FBXO34: variants seen among roughly 807,000 people sequenced by gnomAD.
FBXO34 encodes the protein F-box only protein 34.
In FBXO34, 12 loss-of-function variants were observed where a neutral mutation model predicts 24.5. The observed-to-expected ratio is 0.49, with a 90% CI of 0.31 to 0.79. The LOEUF is 0.79. Among genes scored for constraint, FBXO34 ranks in the 30% least tolerant of loss-of-function variants. The pLI is 0.04. For missense variants in FBXO34, 823 were observed against 857.7 expected (o/e 0.96, Z 0.51); for synonymous variants, 320 against 311.9 (o/e 1.03, Z -0.27).
chr14:55,354,161 T>C (rs1050350748), downstream of FBXO34, among the ~76,000 whole-genome samples: 3 of 152,170 alleles, frequency 2.0e-5, no homozygotes, highest in Non-Finnish European at 4.4e-5. Flanking sequence ...TGACACGGGA[T>C]CAAGAGGAGG....
chr14:55,402,529 G>T, the FBXO34 span, among the ~76,000 whole-genome samples: 1 of 152,050 alleles, frequency 6.6e-6, no homozygotes, highest in African/African-American at 2.4e-5. Context: ...TTCAATGGGA[G>T]AAAGACTAAA....
rs1303764461 is a variant in FBXO34 at position 55,350,710 on chromosome 14, T to C, written c.320T>C (p.Ile107Thr). Residue 107 changes from isoleucine to threonine, a missense_variant, in exon 2 of 2, where the codon ATC becomes ACC. By Grantham distance (89) the Ile-to-Thr change is moderately conservative (BLOSUM62 -1). This residue lies in a region of FBXO34 where 693 missense variants were observed against 659.1 expected (regional missense o/e 1.05). Transcript: ENST00000313833. ...GGCGAAGAAGAAGGACCACTTGATA[T>C]CTGGGCTGTTGTGAAACCTGGAAAT... ...HQGEEEGPLD[I>T]WAVVKPGNTK... The C allele has an allele frequency of 3.7e-6, 6 of 1,613,384 alleles. No homozygotes were observed. The highest frequency in any genetic ancestry group is 3.3e-5 in the Admixed American group (2 of 59,748).
rs3051307 is a variant in FBXO34 at position 55,295,387 on chromosome 14, ATTTTTTTTTT to A, written c.-11+23864_-11+23873del. Among the ~76,000 whole-genome samples the A allele has an allele frequency of 5.5e-5, 5 of 91,384 alleles. No homozygotes were observed. The East Asian group carries it at 1.2e-3, about 21-fold the overall frequency. 60.0% of individuals were successfully genotyped at this position (91,384 alleles called of 152,430 possible). ...CTCTATGAGGTAAATATTCTTTTCTATTTTTTTTTTTTTTTTTTTTTTTGGAGACAGAGTC... is the reference window on the plus strand; with the variant it reads ...CTCTATGAGGTAAATATTCTTTTCTATTTTTTTTTTTTTGGAGACAGAGTC... On this transcript the variant is annotated intron_variant, in intron 1 of 1. Coordinates refer to ENST00000313833, the MANE Select transcript of FBXO34 (RefSeq NM_017943.4).
chr14:55,397,945 T>TTC, the FBXO34 span, among the ~76,000 whole-genome samples: 2 of 125,420 alleles, frequency 1.6e-5, no homozygotes, highest in African/African-American at 3.5e-5. Context: ...CAGTAATTCT[T>TTC]TTTTTTTTTT....
At chr14:55,316,741 A>G (rs1882943621) in intron 1 of FBXO34, among the ~76,000 whole-genome samples, 1 of 149,818 alleles carries the variant, frequency 6.7e-6, no homozygotes, top group South Asian at 2.1e-4. Context: ...AAAAAAAGCC[A>G]TAAAAGAATT....
chr14:55,339,851 G>C (rs561572744), intron 1 of FBXO34, among the ~76,000 whole-genome samples: 1 of 152,150 alleles, frequency 6.6e-6, no homozygotes, highest in South Asian at 2.1e-4. Context: ...TGCTACTTCA[G>C]TCTTGGTTCA....
intron 1 of FBXO34, among the ~76,000 whole-genome samples, chr14:55,284,223 C>G (rs975778893): frequency 6.6e-6 from 1 of 151,962 alleles, no homozygotes; most frequent in African/African-American, 2.4e-5. Context: ...TTAAAAATTA[C>G]AGTATATGGG....
In FBXO34 at chr14:55,352,057, A is replaced by G; in HGVS notation, c.1667A>G (p.His556Arg). The G allele has an allele frequency of 6.2e-7, 1 of 1,614,186 alleles. No homozygotes were observed. The highest frequency in any genetic ancestry group is 8.5e-7 in the Non-Finnish European group (1 of 1,180,028). Residue 556 changes from histidine (H) to arginine (R), a missense_variant, in exon 2 of 2, where the codon CAT (histidine) becomes CGT (arginine). His to Arg is a conservative substitution (Grantham distance 29). Transcript: ENST00000313833. ...TCCAGTTGGAAGAAGCAGGTGTCGC[A>G]TGACTTCCTGGAGACCAGGTTTAAA... ...EASSWKKQVS[H>R]DFLETRFKIQ... is the part of the protein sequence containing the mutation.
chr14:55,302,686 T>C (rs773099133), intron 1 of FBXO34, among the ~76,000 whole-genome samples: 3 of 152,114 alleles, frequency 2.0e-5, no homozygotes, highest in Non-Finnish European at 2.9e-5. Context: ...TCATAGACTC[T>C]GTGGCTAGAG....
chr14:55,358,414 CAG>C (rs1201507975), downstream of FBXO34, among the ~76,000 whole-genome samples: 1 of 152,144 alleles, frequency 6.6e-6, no homozygotes, highest in Non-Finnish European at 1.5e-5. Flanking sequence ...GGCAGGAACA[CAG>C]AGAGCCCTCC....
chr14:55,422,182 C>T, the FBXO34 span, among the ~76,000 whole-genome samples: 17 of 152,046 alleles, frequency 1.1e-4, no homozygotes, highest in Non-Finnish European at 2.5e-4. Flanking sequence ...AGATATGTAG[C>T]GTTAAGTTGG....
At chr14:55,283,871 A>G (rs1225553486) in intron 1 of FBXO34, among the ~76,000 whole-genome samples, 1 of 151,944 alleles carries the variant, frequency 6.6e-6, no homozygotes, top group Non-Finnish European at 1.5e-5. Context: ...GAGAGTTCAC[A>G]TTTTTGTTTT....
chr14:55,351,450 A>G lies in FBXO34; in HGVS notation c.1060A>G (p.Arg354Gly). Residue 354 changes from arginine to glycine, a missense_variant, in exon 2 of 2, where the codon AGA (arginine) becomes GGA (glycine). Coordinates refer to ENST00000313833, the MANE Select transcript of FBXO34 (RefSeq NM_017943.4). Reference sequence around the variant, plus strand: ...TGTATCTGTGGATTGTGGCCCTTCAAGAGCTGATCGTTGTTCTCCTAAGGA... The same window carrying G: ...TGTATCTGTGGATTGTGGCCCTTCAGGAGCTGATCGTTGTTCTCCTAAGGA... The part of the protein sequence containing the change: ...GSVSVDCGPS[R>G]ADRCSPKEDQ... The G allele has an allele frequency of 1.9e-6, 3 of 1,614,208 alleles. No individual in the cohort carries two copies. Among genetic ancestry groups the G allele is most frequent in the Middle Eastern group, 1.6e-4 (1 of 6,062 alleles).
At chr14:55,310,661 A>C (rs1325073028) in intron 1 of FBXO34, among the ~76,000 whole-genome samples, 1 of 152,228 alleles carries the variant, frequency 6.6e-6, no homozygotes, top group African/African-American at 2.4e-5. Flanking sequence ...AACCTTGTTT[A>C]GTTTTCCTTA....
chr14:55,349,985 C>A (rs537796322), intron 1 of FBXO34, among the ~76,000 whole-genome samples: 1 of 152,122 alleles, frequency 6.6e-6, no homozygotes, highest in African/African-American at 2.4e-5. Flanking sequence ...GTTTAAAAAT[C>A]TAGTAGGGAT....
chr14:55,352,227 A>AAT lies in FBXO34; in HGVS notation c.1840_1841dup (p.Arg615SerfsTer27). 1 of 1,614,168 alleles carries AAT rather than the reference A, an allele frequency of 6.2e-7. No individual in the cohort carries two copies. The highest frequency in any genetic ancestry group is 8.5e-7 in the Non-Finnish European group (1 of 1,180,028). ...TTTCAAGTTTATCATTGAGTACTAC[A>AAT]ATATCAGGCCAGCAGATTCTCGCTG... is the stretch of plus-strand genomic sequence containing the variant. On this transcript the variant is annotated frameshift_variant, in exon 2 of 2. Transcript: ENST00000313833. LOFTEE classifies it high-confidence loss of function.
At chr14:55,405,553 G>A in the FBXO34 span, among the ~76,000 whole-genome samples, 1 of 152,136 alleles carries the variant, frequency 6.6e-6, no homozygotes, top group African/African-American at 2.4e-5. Context: ...ATTTCCCCAG[G>A]TATCCTTAGA....
At chr14:55,387,692 G>T in the FBXO34 span, among the ~76,000 whole-genome samples, 2 of 152,090 alleles carry the variant, frequency 1.3e-5, no homozygotes, top group African/African-American at 4.8e-5. Flanking sequence ...GTTTTGAGAC[G>T]GAGTTTCGCT....
At chr14:55,377,819 CT>C in the FBXO34 span, 1 of 1,568,594 alleles carries the variant, frequency 6.4e-7, no homozygotes, top group Non-Finnish European at 8.6e-7. Context: ...ATCTTCTTAC[CT>C]GCCTAGGTGT....
Sources: allele counts gnomAD v4.1 joint callset (sites outside exome capture counted in the v4.1 genomes callset), GRCh38; gene constraint gnomAD v4.1.1; regional missense constraint gnomAD v4.1.1; transcripts MANE v1.5; gene names NCBI Gene and HGNC (gene_info 2026-07-23, HGNC 2026-07-21).